Variants in PARD3B observed in about 807,000 individuals in gnomAD.
The protein encoded by PARD3B is par-3 family cell polarity regulator beta.
In PARD3B, 103 loss-of-function variants were observed where a neutral mutation model predicts 130.2. That is an observed-to-expected ratio of 0.79 (90% CI 0.67 to 0.93). The LOEUF is 0.93. Among genes scored for constraint, PARD3B ranks in the 40% least tolerant of loss-of-function variants. The probability of loss-of-function intolerance (pLI) is 0.00; values close to 1 mark genes in which losing one functional copy is unlikely to be tolerated. For missense variants in PARD3B, 1,609 were observed against 1,499.2 expected (o/e 1.07, Z -1.21); for synonymous variants, 583 against 553.2 (o/e 1.05, Z -0.76).
In PARD3B at chr2:205,292,799, G is replaced by C. The variant is rs1471422150; in HGVS notation, c.2186-7731G>C. On this transcript the variant is annotated intron_variant, in intron 16 of 22. Transcript: ENST00000406610. This position sits in a 1 kb window ranked among gnomAD's most constrained non-coding sequence, Gnocchi z 5.3. ...ACTTTGTACAGGAAAAAAATTTAGT[G>C]AACTGTAAAGCCACAGAAAATGTTA... Among the ~76,000 whole-genome samples the C allele has an allele frequency of 6.6e-6, 1 of 152,112 alleles. No individual in the cohort carries two copies. The highest frequency in any genetic ancestry group is 1.5e-5 in the Non-Finnish European group (1 of 68,020).
At chr2:204,951,380 G>A (rs963411524) in intron 2 of PARD3B, among the ~76,000 whole-genome samples, 4 of 152,102 alleles carry the variant, frequency 2.6e-5, no homozygotes, top group African/African-American at 9.7e-5. Context: ...CCTTAATCCA[G>A]TGGATCCCTT....
rs1559518675 is a variant in PARD3B at position 205,183,411 on chromosome 2, G to A, written c.1925-2353G>A. Among the ~76,000 whole-genome samples, 1 of 152,176 alleles carries A rather than the reference G, an allele frequency of 6.6e-6. No homozygotes were observed. Among genetic ancestry groups the A allele is most frequent in the East Asian group, 1.9e-4 (1 of 5,190 alleles). On this transcript the variant is annotated intron_variant, in intron 13 of 22. Transcript: ENST00000406610. This position sits in a 1 kb window ranked among gnomAD's most constrained non-coding sequence, Gnocchi z 5.2. ...GCCAACAGAAAGGAAGTTGTCCCAGGATGTCCATTGTCCCCAATTTACATT... is the reference window on the plus strand; with the variant it reads ...GCCAACAGAAAGGAAGTTGTCCCAGAATGTCCATTGTCCCCAATTTACATT...
chr2:204,568,123 G>A (rs991302362), intron 1 of PARD3B, among the ~76,000 whole-genome samples: 4 of 152,156 alleles, frequency 2.6e-5, no homozygotes, highest in Non-Finnish European at 4.4e-5. Flanking sequence ...TTTTGACTTT[G>A]CAGATTTTCA....
chr2:204,710,743 T>C (rs561064016), intron 2 of PARD3B, among the ~76,000 whole-genome samples: 1 of 152,360 alleles, frequency 6.6e-6, no homozygotes, highest in East Asian at 1.9e-4. Flanking sequence ...TGTCCTATCC[T>C]CTGTGTTGGG....
In PARD3B at chr2:204,784,326, C is replaced by CT. The variant is rs142847214; in HGVS notation, c.222+98050dup. Among the ~76,000 whole-genome samples the CT allele has an allele frequency of 7.4e-3, 1,128 of 151,834 alleles. 12 individuals carry two copies. The highest frequency in any genetic ancestry group is 0.026 in the African/African-American group (1,066 of 41,454). ...TTTACTAAATGGATTTTTTTTTCAACTTTTTTGTCCTTAAATGACTTTGAA... is the reference window on the plus strand; with the variant it reads ...TTTACTAAATGGATTTTTTTTTCAACTTTTTTTGTCCTTAAATGACTTTGAA... On this transcript the variant is annotated intron_variant, in intron 2 of 22. Coordinates refer to ENST00000406610, the MANE Select transcript of PARD3B (RefSeq NM_001302769.2).
At position 205,303,801 on chromosome 2, in the gene PARD3B, T is replaced by C. The variant is rs114467074; in HGVS notation, c.2630+2100T>C. On this transcript the variant is annotated intron_variant, in intron 18 of 22. Transcript: ENST00000406610. ...GAAGTGGGGTGACAATCTCCTATTATACAATTACCTCCAAATTCCCTAAGG... is the reference window on the plus strand; with the variant it reads ...GAAGTGGGGTGACAATCTCCTATTACACAATTACCTCCAAATTCCCTAAGG... 9.1e-3 allele frequency among the ~76,000 whole-genome samples: 1,388 copies of C among 152,282 alleles called. 32 individuals carry two copies. Among genetic ancestry groups the C allele is most frequent in the African/African-American group, 0.031 (1,304 of 41,558 alleles).
chr2:204,744,765 C>T (rs757984564), intron 2 of PARD3B, among the ~76,000 whole-genome samples: 20 of 151,936 alleles, frequency 1.3e-4, no homozygotes, highest in African/African-American at 4.4e-4. Context: ...AGGGACCAGG[C>T]GGAAAACAGT....
chr2:205,452,873 C>T lies in PARD3B; in HGVS notation c.3044+12201C>T, dbSNP rs570497394. On this transcript the variant is annotated intron_variant, in intron 20 of 22. Coordinates refer to ENST00000406610, the MANE Select transcript of PARD3B (RefSeq NM_001302769.2). ...GGCCCCTTCCCCCCATCCTCAACCA[C>T]TGGGGGTAAATGGGCATGTTTGAGG... 5.0e-4 allele frequency among the ~76,000 whole-genome samples: 76 copies of T among 152,244 alleles called. 1 individual carries two copies. Among genetic ancestry groups the T allele is most frequent in the African/African-American group, 1.6e-3 (68 of 41,568 alleles).
intron 15 of PARD3B, among the ~76,000 whole-genome samples, chr2:205,217,058 C>T (rs1574417416): frequency 6.6e-6 from 1 of 152,130 alleles, no homozygotes; most frequent in East Asian, 1.9e-4. Context: ...AAAGGGTACG[C>T]CAACATTCTT....
intron 13 of PARD3B, among the ~76,000 whole-genome samples, chr2:205,180,647 C>G (rs2035736991): frequency 6.8e-6 from 1 of 146,598 alleles, no homozygotes. Context: ...TGTTGATATT[C>G]TGTGTTCCAT....
intron 10 of PARD3B, among the ~76,000 whole-genome samples, chr2:205,130,261 C>A (rs1037623534): frequency 2.6e-5 from 4 of 152,132 alleles, no homozygotes; most frequent in Non-Finnish European, 4.4e-5. Flanking sequence ...GAAGGCTAAA[C>A]TGCTGTGTCT....
intron 3 of PARD3B, among the ~76,000 whole-genome samples, chr2:204,990,384 T>A (rs1693556129): frequency 6.6e-6 from 1 of 152,182 alleles, no homozygotes; most frequent in African/African-American, 2.4e-5. Flanking sequence ...CATATCATGT[T>A]TCTTTGTGTT....
intron 22 of PARD3B, among the ~76,000 whole-genome samples, chr2:205,604,120 G>A (rs2054893471): frequency 6.6e-6 from 1 of 152,142 alleles, no homozygotes; most frequent in Non-Finnish European, 1.5e-5. Flanking sequence ...TAGTTTAGCT[G>A]GATATTATAT....
chr2:204,961,875 A>G lies in PARD3B; in HGVS notation c.223-3277A>G, dbSNP rs1690777152. ...ACCTTGATAAGAGCAGTTTCAGTGG[A>G]GTTGAGGGGTGAGAGCCTGACTAGA... On this transcript the variant is annotated intron_variant, in intron 2 of 22. Coordinates refer to ENST00000406610, the MANE Select transcript of PARD3B (RefSeq NM_001302769.2). Among the ~76,000 whole-genome samples the G allele has an allele frequency of 2.6e-5, 4 of 152,130 alleles. No homozygotes were observed. The South Asian group carries it at 8.3e-4, about 32-fold the overall frequency.
intron 14 of PARD3B, among the ~76,000 whole-genome samples, chr2:205,190,274 TC>T (rs2036322491): frequency 2.0e-5 from 3 of 152,182 alleles, no homozygotes; most frequent in African/African-American, 7.2e-5. Flanking sequence ...TGAGTCAGGT[TC>T]ACCAACACAT....
chr2:205,420,774 G>T (rs1463971130), intron 19 of PARD3B, among the ~76,000 whole-genome samples: 2 of 152,134 alleles, frequency 1.3e-5, no homozygotes, highest in Non-Finnish European at 2.9e-5. Flanking sequence ...TGTATTATTT[G>T]CAAGCAGGTC....
At chr2:205,196,569 C>T (rs2036694313) in intron 15 of PARD3B, among the ~76,000 whole-genome samples, 1 of 152,012 alleles carries the variant, frequency 6.6e-6, no homozygotes, top group Non-Finnish European at 1.5e-5. Context: ...TCTTTTGTGA[C>T]ATTTGGGTTA....
intron 4 of PARD3B, among the ~76,000 whole-genome samples, chr2:205,059,901 G>T (rs1270719161): frequency 3.3e-5 from 5 of 152,038 alleles, no homozygotes; most frequent in South Asian, 4.1e-4. Flanking sequence ...GTCAGTCGTG[G>T]ACACTTAATT....
chr2:205,172,839 G>A (rs1404843737), intron 12 of PARD3B, among the ~76,000 whole-genome samples: 1 of 152,064 alleles, frequency 6.6e-6, no homozygotes, highest in Non-Finnish European at 1.5e-5. Flanking sequence ...TATTAAACAA[G>A]CTGCTTGCTC....
Sources: allele counts gnomAD v4.1 joint callset (sites outside exome capture counted in the v4.1 genomes callset), GRCh38; gene constraint gnomAD v4.1.1; non-coding constraint Gnocchi (gnomAD v3.1); transcripts MANE v1.5; gene names NCBI Gene and HGNC (gene_info 2026-07-23, HGNC 2026-07-21).